MED13L: variants seen among roughly 807,000 people sequenced by gnomAD.
MED13L encodes the protein mediator of RNA polymerase II transcription subunit 13-like.
A neutral mutation model predicts 220.9 loss-of-function variants in MED13L; 7 were observed. The observed-to-expected ratio is 0.03, with a 90% CI of 0.02 to 0.06. MED13L has a LOEUF of 0.06. Ranked by LOEUF, MED13L falls within the 10% of genes least tolerant of loss-of-function variation. The pLI, the probability that MED13L is intolerant of heterozygous loss-of-function variation, is 1.00. For missense variants in MED13L, 1,965 were observed against 2,760.5 expected, an observed-to-expected ratio of 0.71 and a Z score of 6.46; for synonymous variants, 1,011 against 1,015.2, an observed-to-expected ratio of 1.00 and a Z score of 0.08.
intron 23 of MED13L, among the ~76,000 whole-genome samples, chr12:115,976,294 T>C (rs758252854): frequency 2.6e-5 from 4 of 152,176 alleles, no homozygotes; most frequent in African/African-American, 9.7e-5. Context: ...AGATAATAAA[T>C]TGTGATATAG....
chr12:116,207,056 G>A (rs368604293), intron 2 of MED13L, among the ~76,000 whole-genome samples: 2 of 151,836 alleles, frequency 1.3e-5, no homozygotes, highest in African/African-American at 4.8e-5. Flanking sequence ...CTAGGTATAC[G>A]AATACAGTCA....
At chr12:116,125,729 A>T (rs2137978775) in intron 2 of MED13L, among the ~76,000 whole-genome samples, 1 of 152,322 alleles carries the variant, frequency 6.6e-6, no homozygotes, top group East Asian at 1.9e-4. Context: ...ACTTCTGCAT[A>T]CTTTCCCTGT....
intron 2 of MED13L, among the ~76,000 whole-genome samples, chr12:116,144,225 T>C (rs144116225): frequency 6.6e-6 from 1 of 152,286 alleles, no homozygotes; most frequent in Admixed American, 6.5e-5. Flanking sequence ...CCTTTCCTCA[T>C]TACTAAATGA....
At chr12:115,974,146 C>G (rs1876774956) in intron 25 of MED13L, among the ~76,000 whole-genome samples, 2 of 152,134 alleles carry the variant, frequency 1.3e-5, no homozygotes, top group African/African-American at 4.8e-5. Context: ...TATTAAAACA[C>G]AGCCATCCAC....
chr12:116,152,628 T>TG (rs796403954), intron 2 of MED13L, among the ~76,000 whole-genome samples: 5 of 151,912 alleles, frequency 3.3e-5, no homozygotes, highest in African/African-American at 4.8e-5. Context: ...CCCAATGGCG[T>TG]GGGGGGGAAA....
At chr12:115,980,049 C>A (rs952175473) in intron 23 of MED13L, among the ~76,000 whole-genome samples, 8 of 152,016 alleles carry the variant, frequency 5.3e-5, no homozygotes, top group African/African-American at 1.9e-4. Context: ...AACGAGGGAC[C>A]CCTGCAGAGT....
intron 7 of MED13L, among the ~76,000 whole-genome samples, 173 bp from the exon 8 acceptor site, chr12:116,015,447 A>G (rs1419363939): frequency 6.6e-6 from 1 of 152,198 alleles, no homozygotes; most frequent in Non-Finnish European, 1.5e-5. Flanking sequence ...AATTTCTATC[A>G]GAATGGATTT....
At position 116,008,939 on chromosome 12, in the gene MED13L, A is replaced by G; in HGVS notation, c.1474T>C (p.Ser492Pro). ...RPLIPFHHRP[S>P]VAEELCMEQD... ...TCCATGCATAATTCTTCGGCCACAG[A>G]GGGCCTATGGTGAAATGGTATTAAG... The change falls in exon 10 of 31, where the codon TCT becomes CCT. Residue 492 changes from serine (S) to proline (P), a missense_variant. By Grantham distance (74) the Ser-to-Pro change is moderately conservative. Coordinates refer to ENST00000281928, the MANE Select transcript of MED13L (RefSeq NM_015335.5). The G allele has an allele frequency of 6.2e-7, 1 of 1,614,084 alleles. No homozygotes were observed. The highest frequency in any genetic ancestry group is 1.3e-5 in the African/African-American group (1 of 75,024).
At chr12:116,044,481 A>G (rs557326524) in intron 4 of MED13L, among the ~76,000 whole-genome samples, 3 of 152,324 alleles carry the variant, frequency 2.0e-5, no homozygotes, top group Middle Eastern at 3.4e-3. Flanking sequence ...CTGTGATACT[A>G]GTGGGAAGAA....
intron 2 of MED13L, among the ~76,000 whole-genome samples, chr12:116,204,041 A>G (rs1882167086): frequency 6.6e-6 from 1 of 152,232 alleles, no homozygotes; most frequent in Admixed American, 6.5e-5. Context: ...GAAGGCTTCA[A>G]TATGCATTTC....
chr12:116,005,820 GTCCTT>G (rs1566005146), intron 13 of MED13L, 44 bp downstream of exon 13: 3 of 1,608,106 alleles, frequency 1.9e-6, no homozygotes, highest in Admixed American at 1.7e-5. Flanking sequence ...CTGATATAAA[GTCCTT>G]TCATGTAGCG....
intron 1 of MED13L, among the ~76,000 whole-genome samples, chr12:116,259,082 T>C (rs1243560515): frequency 2.0e-5 from 3 of 152,112 alleles, no homozygotes; most frequent in Non-Finnish European, 4.4e-5. Flanking sequence ...ATAACTGTAC[T>C]ACACAGCAAA....
rs550492818 is a variant in MED13L at position 116,022,822 on chromosome 12, C to G, written c.480-221G>C. Among the ~76,000 whole-genome samples the G allele has an allele frequency of 5.9e-5, 9 of 152,282 alleles. No individual in the cohort carries two copies. In the East Asian group the frequency reaches 1.7e-3, roughly 29 times the overall value. Reference sequence around the variant, plus strand: ...CTGCATTGAGAACTTTTGTAAGTTACTGTACAAAATGTTTCCAGTTTCATT... The same window carrying G: ...CTGCATTGAGAACTTTTGTAAGTTAGTGTACAAAATGTTTCCAGTTTCATT... On this transcript the variant is annotated intron_variant, in intron 4 of 30. Coordinates refer to ENST00000281928, the MANE Select transcript of MED13L (RefSeq NM_015335.5).
intron 2 of MED13L, among the ~76,000 whole-genome samples, chr12:116,229,403 A>C (rs1472608170): frequency 2.0e-5 from 3 of 152,220 alleles, no homozygotes; most frequent in Non-Finnish European, 4.4e-5. Flanking sequence ...TTAGGCCATA[A>C]TAACTATACT....
At chr12:115,975,055 A>T (rs1876840357) in intron 25 of MED13L, 116 bp downstream of exon 25, 1 of 1,087,282 alleles carries the variant, frequency 9.2e-7, no homozygotes, top group Non-Finnish European at 1.4e-6. Flanking sequence ...AGAATCATAA[A>T]ATAGAATCTG....
chr12:116,119,838 A>ATAAAT (rs1204568125), intron 2 of MED13L, among the ~76,000 whole-genome samples: 1 of 31,598 alleles, frequency 3.2e-5, no homozygotes, highest in Non-Finnish European at 5.5e-5. Context: ...AAAAAAAAAA[A>ATAAAT]ATATATATAT....
In MED13L at chr12:116,204,330, G is replaced by A. The variant is rs529611799; in HGVS notation, c.310+33138C>T. Reference sequence around the variant, plus strand: ...GCTGCTCAGGAGTCAGGAGCTGCCAGACGTAAACTGAATTGCTGTATTCCA... The same window carrying A: ...GCTGCTCAGGAGTCAGGAGCTGCCAAACGTAAACTGAATTGCTGTATTCCA... On this transcript the variant is annotated intron_variant, in intron 2 of 30. Coordinates refer to ENST00000281928, the MANE Select transcript of MED13L (RefSeq NM_015335.5). Among the ~76,000 whole-genome samples, 6 of 152,322 alleles carry A rather than the reference G, an allele frequency of 3.9e-5. 1 individual carries two copies. The highest frequency in any genetic ancestry group is 3.9e-4 in the Admixed American group (6 of 15,296).
chr12:116,180,317 T>C (rs1880428422), intron 2 of MED13L, among the ~76,000 whole-genome samples: 2 of 152,208 alleles, frequency 1.3e-5, no homozygotes, highest in African/African-American at 4.8e-5. Context: ...GCCAACATGA[T>C]ACCACAAGCG....
intron 4 of MED13L, among the ~76,000 whole-genome samples, chr12:116,087,214 G>C (rs1239010896): frequency 2.0e-5 from 3 of 152,104 alleles, no homozygotes; most frequent in Non-Finnish European, 4.4e-5. Flanking sequence ...GTTAGGTTCT[G>C]TATTAGCTAC....
Sources: gnomAD v4.1 joint callset for allele counts (sites outside exome capture counted in the v4.1 genomes callset) on GRCh38, gnomAD v4.1.1 for gene constraint, MANE v1.5 for transcripts, NCBI Gene and HGNC (gene_info 2026-07-23, HGNC 2026-07-21) for gene names.